ZFR2: variants seen among roughly 807,000 people sequenced by gnomAD.
ZFR2 encodes the protein zinc finger RNA binding protein 2, also known as zinc finger RNA-binding protein 2.
Under a neutral mutation model 105.7 loss-of-function variants are expected in ZFR2, and 104 were observed. The observed-to-expected ratio is 0.98, with a 90% CI of 0.84 to 1.16. ZFR2 has a LOEUF of 1.16. ZFR2 is among the 50% of genes most tolerant of loss of function. The pLI is 0.00. For synonymous variants in ZFR2, 634 were observed against 597.7 expected (o/e 1.06, Z -0.89); for missense variants, 1,425 against 1,355.5 (o/e 1.05, Z -0.80).
Position 3,848,988 on chromosome 19 carries a change from C to T in ZFR2, c.54-14005G>A, listed in dbSNP as rs537243903. 4.0e-5 allele frequency among the ~76,000 whole-genome samples: 6 copies of T among 151,362 alleles called. No homozygotes were observed. The East Asian group carries it at 7.8e-4, about 20-fold the overall frequency. On this transcript the variant is annotated intron_variant, in intron 1 of 18. Transcript: ENST00000262961. ...CAGCCTGGACAACAAAGCGAGACTCCGTCTCAAAACAAAACAAAACAAAAC... is the reference window on the plus strand; with the variant it reads ...CAGCCTGGACAACAAAGCGAGACTCTGTCTCAAAACAAAACAAAACAAAAC...
At chr19:3,832,968 G>A (rs1024289124) in intron 3 of ZFR2, among the ~76,000 whole-genome samples, 8 of 151,200 alleles carry the variant, frequency 5.3e-5, no homozygotes, top group East Asian at 2.0e-4. Context: ...TAACTTTCAC[G>A]GGGTGCAGTG....
chr19:3,822,705 G>C (rs915140761), intron 8 of ZFR2, among the ~76,000 whole-genome samples: 1 of 152,112 alleles, frequency 6.6e-6, no homozygotes, highest in Non-Finnish European at 1.5e-5. Context: ...GACACAGCAA[G>C]ACCCTTTCTC....
In ZFR2 at chr19:3,806,110, G is replaced by T; in HGVS notation, c.2659C>A (p.Leu887Met). ...ACCTTGTGGGTCTGCCGGAAGGCCA[G>T]CATTCGCAGGGCGTGCTGCGGGGCA... ...TASAQHALRM[L>M]AFRQTHKVLG... The change falls in exon 19 of 19, where the codon CTG becomes ATG. Residue 887 changes from leucine (L) to methionine (M), a missense_variant. Transcript: ENST00000262961. 1 of 1,464,482 alleles carries T rather than the reference G, an allele frequency of 6.8e-7. No homozygotes were observed. The highest frequency in any genetic ancestry group is 9.0e-7 in the Non-Finnish European group (1 of 1,107,738). 90.7% of individuals were successfully genotyped at this position (1,464,482 alleles called of 1,614,324 possible).
At chr19:3,828,837 G>A (rs557493976) in intron 5 of ZFR2, among the ~76,000 whole-genome samples, 1 of 152,254 alleles carries the variant, frequency 6.6e-6, no homozygotes, top group African/African-American at 2.4e-5. Context: ...GCACTGCCCC[G>A]TCACCTGCAG....
chr19:3,831,120 C>T (rs1322983515), intron 5 of ZFR2, among the ~76,000 whole-genome samples, 183 bp downstream of exon 5: 1 of 151,396 alleles, frequency 6.6e-6, no homozygotes, highest in African/African-American at 2.5e-5. Flanking sequence ...CACATACACA[C>T]TCACACTTGC....
At chr19:3,856,263 A>G (rs1234632909) in intron 1 of ZFR2, among the ~76,000 whole-genome samples, 1 of 152,138 alleles carries the variant, frequency 6.6e-6, no homozygotes, top group Non-Finnish European at 1.5e-5. Context: ...GGACTTGGAT[A>G]TGATCAGCCT....
intron 1 of ZFR2, chr19:3,855,631 G>A (rs771746762): frequency 7.1e-5 from 30 of 423,236 alleles, no homozygotes; most frequent in Admixed American, 2.7e-4. Flanking sequence ...TCATGCCGCC[G>A]GGAAGGACGC....
chr19:3,831,470 G>A lies in ZFR2; in HGVS notation c.685C>T (p.Pro229Ser), dbSNP rs1482141520. Residue 229 changes from proline (P) to serine (S), a missense_variant, in exon 5 of 19, where the codon CCC (proline) becomes TCC (serine). Transcript: ENST00000262961. ...PPAQPPPPPG[P>S]PQQLPPPPAP... ...GGCGGCGGGGGCAGCTGCTGCGGGG[G>A]TCCCGGGGGAGGCGGGGGCTGCGCT... 1.3e-6 allele frequency: 2 copies of A among 1,550,454 alleles called. No individual in the cohort carries two copies. The highest frequency in any genetic ancestry group is 1.2e-5 in the South Asian group (1 of 84,068).
Position 3,816,831 on chromosome 19 carries a change from T to TG in ZFR2, c.1945dup (p.Gln649ProfsTer59), listed in dbSNP as rs1455927672. On this transcript the variant is annotated frameshift_variant, in exon 13 of 19. Coordinates refer to ENST00000262961, the MANE Select transcript of ZFR2 (RefSeq NM_015174.2). LOFTEE classifies it high-confidence loss of function. ...CATGACGCCTTTCAGGACCCGAGTC[T>TG]GGGGGGCAACGCTGCTGTGGGGACA... is the stretch of plus-strand genomic sequence containing the variant. 9.6e-6 allele frequency: 15 copies of TG among 1,566,682 alleles called. No individual in the cohort carries two copies. Among genetic ancestry groups the TG allele is most frequent in the African/African-American group, 2.7e-5 (2 of 73,866 alleles).
intron 1 of ZFR2, among the ~76,000 whole-genome samples, chr19:3,864,357 C>T (rs925455764): frequency 2.4e-4 from 37 of 151,670 alleles, no homozygotes; most frequent in African/African-American, 7.3e-4. Context: ...GCCTGGGCAA[C>T]AGAGTGAGAT....
At chr19:3,830,781 G>C (rs141565790) in intron 5 of ZFR2, among the ~76,000 whole-genome samples, 1 of 152,242 alleles carries the variant, frequency 6.6e-6, no homozygotes, top group African/African-American at 2.4e-5. Flanking sequence ...TCCAGGAATT[G>C]AGCCCACGAT....
chr19:3,866,403 CTGT>C (rs1303594992), intron 1 of ZFR2, among the ~76,000 whole-genome samples: 9 of 149,758 alleles, frequency 6.0e-5, no homozygotes, highest in African/African-American at 2.2e-4. Flanking sequence ...TGCGTGTATA[CTGT>C]ATCACCTAAG....
intron 3 of ZFR2, among the ~76,000 whole-genome samples, 198 bp from the exon 4 acceptor site, chr19:3,832,076 C>T (rs1447980726): frequency 6.6e-6 from 1 of 152,092 alleles, no homozygotes; most frequent in Non-Finnish European, 1.5e-5. Context: ...CCCGGCTTCT[C>T]TCTCCTGCCA....
intron 5 of ZFR2, 115 bp from the exon 6 acceptor site, chr19:3,827,768 G>A (rs1423929761): frequency 1.9e-5 from 22 of 1,186,958 alleles, no homozygotes; most frequent in Non-Finnish European, 1.8e-5. Context: ...GAGGCCCGCT[G>A]TCCCCAACCC....
At chr19:3,846,138 G>A (rs2038182593) in intron 1 of ZFR2, among the ~76,000 whole-genome samples, 1 of 152,200 alleles carries the variant, frequency 6.6e-6, no homozygotes, top group Non-Finnish European at 1.5e-5. Context: ...CACCACGCCT[G>A]GCTAATTTTT....
Position 3,810,804 on chromosome 19 carries a change from C to T in ZFR2, c.2379G>A (p.Arg793=), listed in dbSNP as rs190072850. ...SGLQPCVIVI[R]VLRDLCRRVP... is the part of the protein sequence containing the mutation. ...CACGCCGGCAGAGGTCCCTCAGGAC[C>T]CTGATGACGATCACGCATGGCTGCA... Residue 793 remains arginine, a synonymous_variant, in exon 16 of 19, where the codon AGG becomes AGA. Coordinates refer to ENST00000262961, the MANE Select transcript of ZFR2 (RefSeq NM_015174.2). 1.5e-4 allele frequency: 227 copies of T among 1,550,414 alleles called. No homozygotes were observed. The highest frequency in any genetic ancestry group is 1.8e-4 in the Non-Finnish European group (211 of 1,146,840).
At chr19:3,844,714 T>C (rs981877651) in intron 1 of ZFR2, among the ~76,000 whole-genome samples, 3 of 152,182 alleles carry the variant, frequency 2.0e-5, no homozygotes, top group Non-Finnish European at 2.9e-5. Context: ...ACATATTTAA[T>C]TTTTGCACAT....
chr19:3,822,887 G>A lies in ZFR2; in HGVS notation c.1371+359C>T, dbSNP rs535172431. Among the ~76,000 whole-genome samples the A allele has an allele frequency of 1.5e-3, 226 of 152,282 alleles. 2 individuals are homozygous for A. Among genetic ancestry groups the A allele is most frequent in the African/African-American group, 5.2e-3 (216 of 41,572 alleles). On this transcript the variant is annotated intron_variant, in intron 8 of 18. Transcript: ENST00000262961. ...TGACCTTGGCAGGTCCCAGGGTCCCGCAGGCCCAGGAAAGGGGCTAGACAG... is the reference window on the plus strand; with the variant it reads ...TGACCTTGGCAGGTCCCAGGGTCCCACAGGCCCAGGAAAGGGGCTAGACAG...
At chr19:3,829,390 C>T (rs1174951483) in intron 5 of ZFR2, among the ~76,000 whole-genome samples, 2 of 152,062 alleles carry the variant, frequency 1.3e-5, no homozygotes, top group African/African-American at 2.4e-5. Flanking sequence ...TGGAAGGATA[C>T]ACACCAAGAT....
Sources: allele counts gnomAD v4.1 joint callset (sites outside exome capture counted in the v4.1 genomes callset), GRCh38; gene constraint gnomAD v4.1.1; transcripts MANE v1.5; gene names NCBI Gene and HGNC (gene_info 2026-07-23, HGNC 2026-07-21).